The following THBS4 variants were observed in gnomAD, a reference collection of about 807,000 sequenced individuals.
THBS4 encodes the protein thrombospondin-4.
THBS4 carries 90 observed loss-of-function variants against 115.7 expected under a neutral mutation model. That is an observed-to-expected ratio of 0.78 (90% CI 0.66 to 0.93). The LOEUF (loss-of-function observed/expected upper bound fraction) is 0.93, where lower values mean the gene tolerates loss of function less well. THBS4 is among the 40% of genes least tolerant of loss of function. The pLI is 0.00. For synonymous variants in THBS4, 460 were observed against 479.3 expected (o/e 0.96, Z 0.53); for missense variants, 1,087 against 1,232.7 (o/e 0.88, Z 1.77).
At chr5:80,082,257 A>AG (rs1221280946) in intron 20 of THBS4, 149 bp from the exon 21 acceptor site, 27 of 1,019,400 alleles carry the variant, frequency 2.6e-5, no homozygotes, top group Non-Finnish European at 3.6e-5. Flanking sequence ...CAACAGCTAC[A>AG]GTACAATCCA....
At position 80,082,472 on chromosome 5, in the gene THBS4, T is replaced by C. The variant is rs765945906; in HGVS notation, c.2751T>C (p.Arg917=). ...GCGTCACCATAGACACCACAATGCG[T>C]GGAGGCCGACTTGGCGTTTTCTGCT... The part of the protein sequence containing the change: ...DSGVTIDTTM[R]GGRLGVFCFS... The change falls in exon 21 of 22, where the codon CGT becomes CGC. Residue 917 remains arginine, a synonymous_variant. Coordinates refer to ENST00000350881, the MANE Select transcript of THBS4 (RefSeq NM_003248.6). The C allele has an allele frequency of 1.2e-6, 2 of 1,614,092 alleles. No individual in the cohort carries two copies. Among genetic ancestry groups the C allele is most frequent in the African/African-American group, 2.7e-5 (2 of 74,930 alleles).
chr5:79,997,335 G>A (rs1443350435), intron 1 of THBS4, among the ~76,000 whole-genome samples: 1 of 151,810 alleles, frequency 6.6e-6, no homozygotes, highest in Non-Finnish European at 1.5e-5. Flanking sequence ...TAAAAGGATG[G>A]AAAAGTTATA....
rs1282702297 is a variant in THBS4, at chr5:80,079,148, G to A, written c.2401G>A (p.Gly801Ser). Residue 801 changes from glycine to serine, a missense_variant, in exon 19 of 22, where the codon GGC becomes AGC. Around this residue, in one of 3 missense-constraint regions of THBS4, gnomAD observed 979 missense variants for 1,103.7 expected, o/e 0.89. Coordinates refer to ENST00000350881, the MANE Select transcript of THBS4 (RefSeq NM_003248.6). ...TGATGACTATGCAGGCTTTATCTTT[G>A]GCTACCAAGATAGCTCCAGCTTCTA... ...TDDDYAGFIF[G>S]YQDSSSFYVV... is the part of the protein sequence containing the mutation. 2 of 1,614,136 alleles carry A rather than the reference G, an allele frequency of 1.2e-6. No homozygotes were observed. The highest frequency in any genetic ancestry group is 1.7e-6 in the Non-Finnish European group (2 of 1,180,024).
At chr5:80,049,256 C>G (rs1471836115) in intron 2 of THBS4, among the ~76,000 whole-genome samples, 1 of 152,182 alleles carries the variant, frequency 6.6e-6, no homozygotes, top group East Asian at 1.9e-4. Context: ...GCTTTTTCAT[C>G]TCCTGCCAGT....
intron 1 of THBS4, 96 bp from the exon 2 acceptor site, chr5:80,039,981 G>A (rs1016836355): frequency 9.4e-7 from 1 of 1,065,148 alleles, no homozygotes; most frequent in South Asian, 1.3e-5. Flanking sequence ...TTACTTTGTA[G>A]CTTACTGTCA....
At chr5:80,051,777 A>C (rs1833266405) in intron 2 of THBS4, among the ~76,000 whole-genome samples, 1 of 152,366 alleles carries the variant, frequency 6.6e-6, no homozygotes, top group South Asian at 2.1e-4. Flanking sequence ...CACCTGCTAT[A>C]TGTAAAGTAT....
intron 2 of THBS4, among the ~76,000 whole-genome samples, chr5:80,005,116 G>A (rs764950728): frequency 6.6e-6 from 1 of 152,170 alleles, no homozygotes; most frequent in Non-Finnish European, 1.5e-5. Context: ...TTAAACAAAG[G>A]TCACACGGAA....
At chr5:80,015,113 T>A (rs1832220841) in intron 2 of THBS4, among the ~76,000 whole-genome samples, 1 of 152,234 alleles carries the variant, frequency 6.6e-6, no homozygotes, top group South Asian at 2.1e-4. Context: ...TAACATTCAG[T>A]ACTCAACCTT....
At chr5:80,011,883 A>T (rs1832133655) in intron 2 of THBS4, among the ~76,000 whole-genome samples, 1 of 151,920 alleles carries the variant, frequency 6.6e-6, no homozygotes, top group South Asian at 2.1e-4. Flanking sequence ...TCTTAAAAAA[A>T]AAGAAAAAAA....
intron 2 of THBS4, among the ~76,000 whole-genome samples, chr5:80,007,478 T>C (rs1045758488): frequency 6.6e-6 from 1 of 152,204 alleles, no homozygotes; most frequent in Admixed American, 6.5e-5. Flanking sequence ...CCCATGAAGC[T>C]AGGTGGCTGG....
rs2112171752 is a variant in THBS4, at chr5:80,079,910, G to A, written c.2517G>A (p.Val839=). Residue 839 remains valine (V), a synonymous_variant, in exon 20 of 22, where the codon GTG becomes GTA. Transcript: ENST00000350881. ...VAEPGIQLKA[V]KSKTGPGEHL... is the part of the protein sequence containing the mutation. ...TTGCTTGTGTCATCATGCAGGCTGTGAAGTCTAAGACAGGTCCAGGGGAGC... is the reference window on the plus strand; with the variant it reads ...TTGCTTGTGTCATCATGCAGGCTGTAAAGTCTAAGACAGGTCCAGGGGAGC... 1.2e-6 allele frequency: 2 copies of A among 1,614,012 alleles called. No individual in the cohort carries two copies. Among genetic ancestry groups the A allele is most frequent in the Non-Finnish European group, 1.7e-6 (2 of 1,179,926 alleles).
At position 80,068,464 on chromosome 5, in the gene THBS4, C is replaced by A. The variant is rs1275296553; in HGVS notation, c.1347+339C>A. ...CAGGGAGGTGAAGGAACATTCTTCT[C>A]CCCTTTCCTTCTTCTGCCCCATCTA... On this transcript the variant is annotated intron_variant, in intron 10 of 21. Coordinates refer to ENST00000350881, the MANE Select transcript of THBS4 (RefSeq NM_003248.6). 17 of 267,486 alleles carry A rather than the reference C, an allele frequency of 6.4e-5. 1 individual carries two copies. The South Asian group carries it at 7.8e-4, about 12-fold the overall frequency. The allele number at this position is 267,486 out of a possible 1,614,324, so 16.6% of individuals were successfully genotyped here.
At chr5:80,046,307 T>C (rs1156558849) in intron 2 of THBS4, among the ~76,000 whole-genome samples, 1 of 152,214 alleles carries the variant, frequency 6.6e-6, no homozygotes, top group African/African-American at 2.4e-5. Flanking sequence ...AGATTAACTA[T>C]TCAGGAGCAG....
chr5:80,021,955 C>T (rs552214218), intron 2 of THBS4, among the ~76,000 whole-genome samples: 2 of 152,228 alleles, frequency 1.3e-5, no homozygotes, highest in African/African-American at 4.8e-5. Flanking sequence ...CAGCCAAAAT[C>T]GGGAGAGGCA....
chr5:80,072,677 A>G (rs1283203036), intron 14 of THBS4: 4 of 398,826 alleles, frequency 1.0e-5, no homozygotes, highest in Non-Finnish European at 1.8e-5. Flanking sequence ...TGCAGAAAGG[A>G]AAACGGAGCA....
In THBS4 at chr5:80,035,624, G is replaced by C. The variant is rs2112016413; in HGVS notation, c.87G>C (p.Gln29His). ...WLAAGAQATP[Q>H]VFDLLPSSSQ... Reference sequence around the variant, plus strand: ...CGGCAGGCGCCCAGGCCACCCCCCAGGGTAAGTGGGTTCGGGTCGGGCCTG... The same window carrying C: ...CGGCAGGCGCCCAGGCCACCCCCCACGGTAAGTGGGTTCGGGTCGGGCCTG... Residue 29 changes from glutamine (Q) to histidine (H), a missense_variant and splice_region_variant, in exon 1 of 22, where the codon CAG becomes CAC. By Grantham distance (24) the Gln-to-His change is conservative. Around this residue, in one of 3 missense-constraint regions of THBS4, gnomAD observed 979 missense variants for 1,103.7 expected, o/e 0.89. Coordinates refer to ENST00000350881, the MANE Select transcript of THBS4 (RefSeq NM_003248.6). The surrounding 1 kb of genome is among the most constrained non-coding windows in gnomAD (Gnocchi z 4.6). The C allele has an allele frequency of 2.9e-6, 4 of 1,364,790 alleles. No homozygotes were observed. The highest frequency in any genetic ancestry group is 3.0e-5 in the East Asian group (1 of 33,420). 84.5% of individuals were successfully genotyped at this position (1,364,790 alleles called of 1,614,324 possible). A position where few individuals can be genotyped will look rare whatever the true frequency, so the allele number is the denominator to read the frequency against.
At position 80,035,430 on chromosome 5, in the gene THBS4, C is replaced by CGGCGCCGGCCCG; in HGVS notation, c.-100_-89dup. Reference sequence around the variant, plus strand: ...CCGGACGCCGAGCACGGGTCACCTGCGGCGCCGGCCCGGGCGCCGACCGAG... The same window carrying CGGCGCCGGCCCG: ...CCGGACGCCGAGCACGGGTCACCTGCGGCGCCGGCCCGGGCGCCGGCCCGGGCGCCGACCGAG... On this transcript the variant is annotated 5_prime_UTR_variant, in exon 1 of 22. Coordinates refer to ENST00000350881, the MANE Select transcript of THBS4 (RefSeq NM_003248.6). The surrounding 1 kb of genome is among the most constrained non-coding windows in gnomAD (Gnocchi z 4.6). 1 of 697,796 alleles carries CGGCGCCGGCCCG rather than the reference C, an allele frequency of 1.4e-6. No homozygotes were observed. Among genetic ancestry groups the CGGCGCCGGCCCG allele is most frequent in the African/African-American group, 1.9e-5 (1 of 53,120 alleles). 43.2% of individuals were successfully genotyped at this position (697,796 alleles called of 1,614,324 possible). A position where few individuals can be genotyped will look rare whatever the true frequency, so the allele number is the denominator to read the frequency against.
At chr5:79,996,419 G>A (rs1349637280) in intron 1 of THBS4, among the ~76,000 whole-genome samples, 1 of 152,082 alleles carries the variant, frequency 6.6e-6, no homozygotes, top group African/African-American at 2.4e-5. Context: ...TGGAAATCCG[G>A]ATTTTAGTAC....
intron 2 of THBS4, among the ~76,000 whole-genome samples, chr5:80,043,015 TGAA>T: frequency 6.6e-6 from 1 of 152,034 alleles, no homozygotes; most frequent in East Asian, 1.9e-4. Flanking sequence ...AGGGTTGAGA[TGAA>T]GAACTGAAAG....
Sources: allele counts gnomAD v4.1 joint callset (sites outside exome capture counted in the v4.1 genomes callset), GRCh38; gene constraint gnomAD v4.1.1; regional missense constraint gnomAD v4.1.1; non-coding constraint Gnocchi (gnomAD v3.1); transcripts MANE v1.5; gene names NCBI Gene and HGNC (gene_info 2026-07-23, HGNC 2026-07-21).